DPH6: variants seen among roughly 807,000 people sequenced by gnomAD.
The protein encoded by DPH6 is diphthine--ammonia ligase.
Under a neutral mutation model 38.2 loss-of-function variants are expected in DPH6, and 33 were observed. The observed-to-expected ratio is 0.86, with a 90% CI of 0.65 to 1.15. DPH6 has a LOEUF of 1.15. Ranked by LOEUF, DPH6 falls within the 50% of genes most tolerant of loss-of-function variation. The pLI, the probability that DPH6 is intolerant of heterozygous loss-of-function variation, is 0.00. For synonymous variants in DPH6, 108 were observed against 103.0 expected, an observed-to-expected ratio of 1.05 and a Z score of -0.30; for missense variants, 325 against 320.0, an observed-to-expected ratio of 1.02 and a Z score of -0.12.
the DPH6 span, among the ~76,000 whole-genome samples, chr15:35,155,751 T>A: frequency 1.3e-5 from 2 of 152,242 alleles, no homozygotes; most frequent in Non-Finnish European, 2.9e-5. Flanking sequence ...CTTATTTGAA[T>A]TGTGTTCTTT....
intron 3 of DPH6, among the ~76,000 whole-genome samples, chr15:35,501,178 C>A (rs1217774983): frequency 6.6e-6 from 1 of 152,010 alleles, no homozygotes; most frequent in African/African-American, 2.4e-5. Flanking sequence ...ATATATTTCC[C>A]CTAATATCAT....
intron 5 of DPH6, among the ~76,000 whole-genome samples, chr15:35,421,318 C>A (rs2053502267): frequency 6.6e-6 from 1 of 152,158 alleles, no homozygotes; most frequent in Admixed American, 6.5e-5. Context: ...ATTCTAAAAT[C>A]TATGAGCTGA....
At chr15:35,220,675 G>A (rs991458258) in intron 3 of DPH6, 1 of 151,950 alleles carries the variant, frequency 6.6e-6, no homozygotes, top group Non-Finnish European at 1.5e-5. Flanking sequence ...CATAAGGGTG[G>A]ACTCATCCTG....
chr15:35,378,665 T>G (rs1426143518), intron 7 of DPH6, among the ~76,000 whole-genome samples: 2 of 152,180 alleles, frequency 1.3e-5, no homozygotes, highest in Non-Finnish European at 2.9e-5. Context: ...GATGAGTTCA[T>G]GTCCTTTCAG....
At chr15:35,456,373 T>C (rs1425192460) in intron 3 of DPH6, among the ~76,000 whole-genome samples, 3 of 151,196 alleles carry the variant, frequency 2.0e-5, no homozygotes, top group African/African-American at 7.3e-5. Context: ...ATTATAGATG[T>C]ATAGGAGTGT....
At chr15:35,165,217 A>C in the DPH6 span, among the ~76,000 whole-genome samples, 1 of 151,902 alleles carries the variant, frequency 6.6e-6, no homozygotes, top group Non-Finnish European at 1.5e-5. Context: ...TCTAAGACTT[A>C]AATTGTAAGT....
intron 1 of DPH6, among the ~76,000 whole-genome samples, chr15:35,542,933 TTCCACTTAAGGA>T (rs1320291896): frequency 1.2e-5 from 1 of 84,306 alleles, no homozygotes; most frequent in African/African-American, 4.1e-5. Context: ...ATATATATTA[TTCCACTTAAGGA>T]ATATATATAT....
the DPH6 span, among the ~76,000 whole-genome samples, chr15:35,209,629 A>G: frequency 1.3e-5 from 2 of 152,338 alleles, no homozygotes; most frequent in African/African-American, 2.4e-5. Flanking sequence ...AAATATTTTT[A>G]AATAGTATAT....
chr15:35,263,009 TGTG>T (rs1160643709), intron 3 of DPH6, among the ~76,000 whole-genome samples: 8 of 152,330 alleles, frequency 5.3e-5, no homozygotes, highest in African/African-American at 1.9e-4. Flanking sequence ...TATAATTTGA[TGTG>T]GATAATTACA....
intron 3 of DPH6, among the ~76,000 whole-genome samples, chr15:35,524,217 ACT>A (rs2054965683): frequency 6.6e-6 from 1 of 152,078 alleles, no homozygotes; most frequent in Non-Finnish European, 1.5e-5. Flanking sequence ...AAACAAAATT[ACT>A]CTTTCATATT....
chr15:35,320,506 G>C (rs72708950), intron 3 of DPH6, among the ~76,000 whole-genome samples: 1 of 152,164 alleles, frequency 6.6e-6, no homozygotes, highest in Non-Finnish European at 1.5e-5. Flanking sequence ...GCTTTATCCC[G>C]TATGTAAGAA....
At chr15:35,326,920 A>C (rs1478757404), downstream of DPH6, among the ~76,000 whole-genome samples, 1 of 152,192 alleles carries the variant, frequency 6.6e-6, no homozygotes, top group Non-Finnish European at 1.5e-5. Context: ...CCCATGTTAG[A>C]CAGGGATGAG....
At chr15:35,278,853 T>C (rs2051876330) in intron 3 of DPH6, among the ~76,000 whole-genome samples, 2 of 151,994 alleles carry the variant, frequency 1.3e-5, no homozygotes, top group South Asian at 4.1e-4. Flanking sequence ...ATTGAGACCA[T>C]CCTGACTAAC....
chr15:35,312,157 T>G (rs770897297), intron 3 of DPH6, among the ~76,000 whole-genome samples: 4 of 152,180 alleles, frequency 2.6e-5, no homozygotes, highest in Non-Finnish European at 4.4e-5. Flanking sequence ...ATACATTTTA[T>G]GACGCATGCA....
At chr15:35,229,759 A>G (rs2051504613) in intron 3 of DPH6, among the ~76,000 whole-genome samples, 2 of 152,210 alleles carry the variant, frequency 1.3e-5, no homozygotes, top group Admixed American at 6.5e-5. Context: ...TTGGCACCCA[A>G]AGCTCGGTAA....
At chr15:35,317,301 G>T (rs887165469) in intron 3 of DPH6, among the ~76,000 whole-genome samples, 3 of 143,472 alleles carry the variant, frequency 2.1e-5, no homozygotes, top group Non-Finnish European at 4.6e-5. Flanking sequence ...AAGAAAGAAG[G>T]AAAGAGAGAA....
At position 35,534,194 on chromosome 15, in the gene DPH6, A is replaced by G. The variant is rs1205787417; in HGVS notation, c.312+4080T>C. Among the ~76,000 whole-genome samples the G allele has an allele frequency of 3.9e-5, 6 of 152,142 alleles. No homozygotes were observed. The East Asian group carries it at 1.2e-3, about 29-fold the overall frequency. On this transcript the variant is annotated intron_variant, in intron 3 of 8. Coordinates refer to ENST00000256538, the MANE Select transcript of DPH6 (RefSeq NM_080650.4). ...GGAGTTTGAGACCAGCCTGACCAAC[A>G]TGGAGAAACCCCGTCTCAACTAAAA...
At chr15:35,240,518 T>C (rs1595442073) in intron 3 of DPH6, among the ~76,000 whole-genome samples, 3 of 142,702 alleles carry the variant, frequency 2.1e-5, no homozygotes, top group African/African-American at 5.1e-5. Flanking sequence ...GTAATCTTTT[T>C]ATCGCCTCCC....
the DPH6 span, among the ~76,000 whole-genome samples, chr15:35,180,062 C>T: frequency 6.6e-6 from 1 of 152,072 alleles, no homozygotes; most frequent in Non-Finnish European, 1.5e-5. Flanking sequence ...ATCTAATGAT[C>T]TAACGAAAGA....
Sources: gnomAD v4.1 joint callset for allele counts (sites outside exome capture counted in the v4.1 genomes callset) on GRCh38, gnomAD v4.1.1 for gene constraint, MANE v1.5 for transcripts, NCBI Gene and HGNC (gene_info 2026-07-23, HGNC 2026-07-21) for gene names.